Variants in CDYL observed in about 807,000 individuals in gnomAD.
CDYL encodes chromodomain Y like.
A neutral mutation model predicts 47.3 loss-of-function variants in CDYL; 8 were observed. The ratio of observed to expected loss-of-function variants is 0.17; its 90% CI spans 0.10 to 0.31. The LOEUF (loss-of-function observed/expected upper bound fraction) is 0.31, where lower values mean the gene tolerates loss of function less well. Among genes scored for constraint, CDYL ranks in the 10% least tolerant of loss-of-function variants. The pLI is 1.00. For synonymous variants in CDYL, 266 were observed against 265.0 expected, an observed-to-expected ratio of 1.00 and a Z score of -0.04; for missense variants, 471 against 701.4, an observed-to-expected ratio of 0.67 and a Z score of 3.71.
chr6:4,743,154 G>C (rs978706179), intron 3 of CDYL, among the ~76,000 whole-genome samples: 1 of 152,196 alleles, frequency 6.6e-6, no homozygotes, highest in African/African-American at 2.4e-5. Context: ...GAAAGAAGTT[G>C]GGTGAGATGG....
At chr6:4,935,916 GA>G in intron 3 of CDYL, 145 bp downstream of exon 3, 1 of 1,323,108 alleles carries the variant, frequency 7.6e-7, no homozygotes, top group Non-Finnish European at 1.0e-6. Flanking sequence ...GGAGGGAGCA[GA>G]GGGGAAGTTG....
chr6:4,707,237 T>G (rs12196122), intron 1 of CDYL, among the ~76,000 whole-genome samples: 9 of 152,074 alleles, frequency 5.9e-5, no homozygotes, highest in Admixed American at 5.9e-4. Flanking sequence ...CAAGATTACA[T>G]AGTGAGCAAA....
chr6:4,761,135 A>C (rs1758169149), intron 3 of CDYL, among the ~76,000 whole-genome samples: 1 of 152,232 alleles, frequency 6.6e-6, no homozygotes. Context: ...CACTTCATAA[A>C]AACTATTTCT....
chr6:4,710,379 G>GGGAA (rs371019380), intron 1 of CDYL, among the ~76,000 whole-genome samples: 48,741 of 101,238 alleles, frequency 0.48, 12,809 homozygotes, highest in African/African-American at 0.68. Context: ...GAGGGAGGGA[G>GGGAA]GGAAGGAAGG....
chr6:4,860,400 A>G (rs1761130261), intron 1 of CDYL, among the ~76,000 whole-genome samples: 1 of 151,504 alleles, frequency 6.6e-6, no homozygotes, highest in Non-Finnish European at 1.5e-5. Flanking sequence ...CTGATAGTGT[A>G]GCATGCAGGT....
At chr6:4,744,508 TG>T (rs1036867726) in intron 3 of CDYL, among the ~76,000 whole-genome samples, 6 of 151,198 alleles carry the variant, frequency 4.0e-5, no homozygotes, top group Non-Finnish European at 8.9e-5. Context: ...AAAAAAAAAT[TG>T]CCAAATTATG....
At chr6:4,854,200 G>A (rs901141803) in intron 1 of CDYL, among the ~76,000 whole-genome samples, 10 of 152,168 alleles carry the variant, frequency 6.6e-5, no homozygotes, top group African/African-American at 2.2e-4. Flanking sequence ...AGACCTGTGC[G>A]AGCACACCAG....
intron 3 of CDYL, among the ~76,000 whole-genome samples, chr6:4,750,074 C>T (rs1757964107): frequency 1.3e-5 from 2 of 152,114 alleles, no homozygotes; most frequent in Non-Finnish European, 2.9e-5. Flanking sequence ...CATGGTGGCT[C>T]ACCCCTGTAA....
intron 1 of CDYL, among the ~76,000 whole-genome samples, chr6:4,854,564 TA>T (rs1760949776): frequency 6.6e-6 from 1 of 152,180 alleles, no homozygotes; most frequent in East Asian, 1.9e-4. Context: ...AGTCTTCTAC[TA>T]TGGCAGGTGT....
chr6:4,914,205 C>CTTT (rs11373981), intron 2 of CDYL, among the ~76,000 whole-genome samples: 20 of 137,390 alleles, frequency 1.5e-4, no homozygotes, highest in African/African-American at 4.4e-4. Context: ...TGAAAGAGTT[C>CTTT]TTTTTTTTTT....
At chr6:4,876,943 G>A (rs760754492) in intron 1 of CDYL, among the ~76,000 whole-genome samples, 17 of 152,156 alleles carry the variant, frequency 1.1e-4, no homozygotes, top group Non-Finnish European at 2.1e-4. Flanking sequence ...CCATGAGGGC[G>A]CCACCATGGG....
At chr6:4,920,881 G>T (rs945793399) in intron 2 of CDYL, among the ~76,000 whole-genome samples, 30 of 152,194 alleles carry the variant, frequency 2.0e-4, no homozygotes, top group Admixed American at 4.6e-4. Context: ...CTCCTAAAGT[G>T]CTGGGATTAG....
At position 4,820,849 on chromosome 6, in the gene CDYL, C is replaced by T. The variant is rs1253216274; in HGVS notation, c.24+44042C>T. The stretch of plus-strand genomic sequence containing the variant: ...GACACTAAGGCAGAGCGGCAGCCTG[C>T]AGCGTGCAGAAACACGGGAATCATG... On this transcript the variant is annotated intron_variant, in intron 1 of 6. Coordinates refer to ENST00000397588, the MANE Select transcript of CDYL (RefSeq NM_004824.4). Among the ~76,000 whole-genome samples, 3 of 152,180 alleles carry T rather than the reference C, an allele frequency of 2.0e-5. No individual in the cohort carries two copies. The East Asian group carries it at 5.8e-4, about 29-fold the overall frequency.
intron 2 of CDYL, among the ~76,000 whole-genome samples, chr6:4,728,372 C>T (rs1311085010): frequency 6.6e-6 from 1 of 152,202 alleles, no homozygotes; most frequent in Non-Finnish European, 1.5e-5. Context: ...GTGGGCTTCC[C>T]TGCTGCATGT....
intron 1 of CDYL, among the ~76,000 whole-genome samples, chr6:4,852,322 C>T (rs904340722): frequency 6.6e-6 from 1 of 151,916 alleles, no homozygotes; most frequent in Non-Finnish European, 1.5e-5. Context: ...AGTCTTCCTT[C>T]CTTCCTTCCT....
At chr6:4,852,371 C>CAA (rs1760857757) in intron 1 of CDYL, among the ~76,000 whole-genome samples, 1 of 138,014 alleles carries the variant, frequency 7.2e-6, no homozygotes, top group African/African-American at 3.1e-5. Context: ...TCCTTCCTTC[C>CAA]TCCTTCCTTC....
chr6:4,798,508 A>AT (rs1393782511), intron 1 of CDYL, among the ~76,000 whole-genome samples: 1 of 152,120 alleles, frequency 6.6e-6, no homozygotes. Flanking sequence ...CTGTAGTTTT[A>AT]TTACAGTGGG....
chr6:4,854,240 T>TTA (rs1374744681), intron 1 of CDYL, among the ~76,000 whole-genome samples: 11 of 152,204 alleles, frequency 7.2e-5, no homozygotes, highest in Admixed American at 5.2e-4. Context: ...GAATTGTCGC[T>TTA]TAGATTCTTA....
chr6:4,793,731 A>G (rs1448797033), intron 1 of CDYL, among the ~76,000 whole-genome samples: 1 of 152,144 alleles, frequency 6.6e-6, no homozygotes, highest in Non-Finnish European at 1.5e-5. Context: ...ATTGGGAGGT[A>G]GTAAGGAGTG....
Sources: allele counts gnomAD v4.1 joint callset (sites outside exome capture counted in the v4.1 genomes callset), GRCh38; gene constraint gnomAD v4.1.1; transcripts MANE v1.5; gene names NCBI Gene and HGNC (gene_info 2026-07-23, HGNC 2026-07-21).